Variants in KDM4C observed in about 807,000 individuals in gnomAD.
The protein encoded by KDM4C is lysine demethylase 4C.
Under a neutral mutation model 129.3 loss-of-function variants are expected in KDM4C, and 81 were observed. The ratio of observed to expected loss-of-function variants is 0.63; its 90% confidence interval spans 0.52 to 0.75. The LOEUF (loss-of-function observed/expected upper bound fraction) is 0.75. Among genes scored for constraint, KDM4C ranks in the 30% least tolerant of loss-of-function variants. The probability of loss-of-function intolerance (pLI) is 0.00; values close to 1 mark genes in which losing one functional copy is unlikely to be tolerated. For synonymous variants in KDM4C, 573 were observed against 456.1 expected (o/e 1.26, Z -3.26); for missense variants, 1,457 against 1,304.0 (o/e 1.12, Z -1.81).
intron 4 of KDM4C, among the ~76,000 whole-genome samples, chr9:6,833,462 G>T (rs903876247): frequency 6.6e-6 from 1 of 152,064 alleles, no homozygotes; most frequent in Non-Finnish European, 1.5e-5. Context: ...CTGGTTTATC[G>T]TTTGGCCACG....
chr9:6,779,526 C>G (rs910453836), intron 1 of KDM4C, among the ~76,000 whole-genome samples: 2 of 152,154 alleles, frequency 1.3e-5, no homozygotes, highest in Admixed American at 1.3e-4. Context: ...TTCCTGCTCC[C>G]CAGATCTCAG....
chr9:7,039,402 G>T (rs1260771773), intron 15 of KDM4C, among the ~76,000 whole-genome samples: 1 of 151,732 alleles, frequency 6.6e-6, no homozygotes, highest in African/African-American at 2.4e-5. Context: ...AATTCTGTAT[G>T]GTTGATTTCT....
chr9:6,887,899 A>G, intron 6 of KDM4C, 61 bp from the exon 7 acceptor site: 1 of 990,568 alleles, frequency 1.0e-6, no homozygotes, highest in South Asian at 1.3e-5. Flanking sequence ...ACATTAAAAA[A>G]CCTATTTGAT....
At chr9:7,029,203 C>A (rs1826314958) in intron 15 of KDM4C, among the ~76,000 whole-genome samples, 1 of 151,880 alleles carries the variant, frequency 6.6e-6, no homozygotes, top group Non-Finnish European at 1.5e-5. Context: ...GTTTCTCCTG[C>A]AGGCTATTGC....
chr9:6,850,840 C>T (rs1352497579), intron 5 of KDM4C, among the ~76,000 whole-genome samples: 3 of 152,132 alleles, frequency 2.0e-5, no homozygotes, highest in Non-Finnish European at 4.4e-5. Flanking sequence ...CTGCAACCTC[C>T]ACCTCCTAGG....
chr9:6,811,833 T>C (rs1025856966), intron 3 of KDM4C, among the ~76,000 whole-genome samples: 1 of 152,074 alleles, frequency 6.6e-6, no homozygotes, highest in Non-Finnish European at 1.5e-5. Context: ...TCTTAAGAAC[T>C]GTACTGCAAT....
At chr9:6,843,332 C>A (rs1255558936) in intron 4 of KDM4C, among the ~76,000 whole-genome samples, 1 of 152,234 alleles carries the variant, frequency 6.6e-6, no homozygotes, top group Admixed American at 6.5e-5. Context: ...TCTGAACCCT[C>A]TCCCCATCTT....
chr9:7,134,586 A>G (rs1344489714), intron 19 of KDM4C, among the ~76,000 whole-genome samples: 1 of 152,216 alleles, frequency 6.6e-6, no homozygotes, highest in African/African-American at 2.4e-5. Flanking sequence ...GTTAGCTTGA[A>G]TTCTCCTATT....
At chr9:7,144,148 G>T (rs1842014408) in intron 19 of KDM4C, among the ~76,000 whole-genome samples, 1 of 149,408 alleles carries the variant, frequency 6.7e-6, no homozygotes, top group Non-Finnish European at 1.5e-5. Context: ...ACTAGGTCTT[G>T]CTGTGTTGTC....
At chr9:6,959,467 C>T (rs1338433377) in intron 8 of KDM4C, among the ~76,000 whole-genome samples, 1 of 152,154 alleles carries the variant, frequency 6.6e-6, no homozygotes, top group Non-Finnish European at 1.5e-5. Flanking sequence ...TGTACTCACT[C>T]TGTCTTGCTT....
At chr9:6,948,098 C>A (rs1827304358) in intron 8 of KDM4C, 2 of 152,028 alleles carry the variant, frequency 1.3e-5, no homozygotes, top group South Asian at 4.2e-4. Flanking sequence ...ATATTGAATC[C>A]CAATTTTTAT....
At chr9:6,813,225 A>G (rs991490179) in intron 3 of KDM4C, among the ~76,000 whole-genome samples, 3 of 152,142 alleles carry the variant, frequency 2.0e-5, no homozygotes, top group Non-Finnish European at 4.4e-5. Flanking sequence ...TTCTTTAGAA[A>G]ATAGAGGGTC....
chr9:7,011,362 T>C (rs1321414898), intron 12 of KDM4C, among the ~76,000 whole-genome samples: 1 of 152,122 alleles, frequency 6.6e-6, no homozygotes, highest in Non-Finnish European at 1.5e-5. Flanking sequence ...CATAAACCTG[T>C]TTTAGTATTG....
intron 8 of KDM4C, among the ~76,000 whole-genome samples, chr9:6,930,923 C>T (rs1193820564): frequency 1.3e-5 from 2 of 152,140 alleles, no homozygotes; most frequent in Admixed American, 6.5e-5. Flanking sequence ...TTTGCATCTG[C>T]AGTTTGCAGT....
chr9:7,097,074 C>T (rs1387431837), intron 17 of KDM4C, among the ~76,000 whole-genome samples: 1 of 152,158 alleles, frequency 6.6e-6, no homozygotes, highest in Non-Finnish European at 1.5e-5. Flanking sequence ...TTTCCTCCTT[C>T]TTCATCCCAC....
rs536590171 is a variant in KDM4C at position 6,887,712 on chromosome 9, T to A, written c.680-248T>A. 5.9e-5 allele frequency among the ~76,000 whole-genome samples: 9 copies of A among 152,312 alleles called. No individual in the cohort carries two copies. In the East Asian group the frequency reaches 1.5e-3, roughly 26 times the overall value. On this transcript the variant is annotated intron_variant, in intron 6 of 21. Coordinates refer to ENST00000381309, the MANE Select transcript of KDM4C (RefSeq NM_015061.6). ...AAATTTATTCCTAAAGTTGAGTAAT[T>A]TTACAGGTTACAAAAACAACTTATG...
chr9:7,141,407 C>G (rs1361920502), intron 19 of KDM4C, among the ~76,000 whole-genome samples: 4 of 152,124 alleles, frequency 2.6e-5, no homozygotes, highest in African/African-American at 7.2e-5. Flanking sequence ...ACAAGCTTGC[C>G]TGAATACTGG....
At position 6,788,857 on chromosome 9, in the gene KDM4C, A is replaced by G. The variant is rs1410579214; in HGVS notation, c.-17-4115A>G. Among the ~76,000 whole-genome samples the G allele has an allele frequency of 2.6e-5, 4 of 152,270 alleles. No individual in the cohort carries two copies. The East Asian group carries it at 7.7e-4, about 29-fold the overall frequency. ...AGGATTAGGAATCTCAGGGGTGTGC[A>G]GGAGTTTGTCAGGTGAGGAAGCAGG... On this transcript the variant is annotated intron_variant, in intron 1 of 21. Transcript: ENST00000381309.
At chr9:6,750,787 T>C (rs1181520609) in intron 1 of KDM4C, among the ~76,000 whole-genome samples, 1 of 152,120 alleles carries the variant, frequency 6.6e-6, no homozygotes, top group African/African-American at 2.4e-5. Context: ...CCTCAAAACG[T>C]AGTGGTTTAG....
Sources: gnomAD v4.1 joint callset for allele counts (sites outside exome capture counted in the v4.1 genomes callset) on GRCh38, gnomAD v4.1.1 for gene constraint, MANE v1.5 for transcripts, NCBI Gene and HGNC (gene_info 2026-07-23, HGNC 2026-07-21) for gene names.